The following CTDSPL variants were observed in gnomAD, a reference collection of about 807,000 sequenced individuals.
The protein encoded by CTDSPL is CTD small phosphatase-like protein.
Under a neutral mutation model 30.5 loss-of-function variants are expected in CTDSPL, and 8 were observed. The ratio of observed to expected loss-of-function variants is 0.26; its 90% CI spans 0.15 to 0.47. The LOEUF is 0.47. CTDSPL is among the 20% of genes least tolerant of loss of function. CTDSPL has a pLI of 0.99. For missense variants in CTDSPL, 248 were observed against 366.1 expected, an observed-to-expected ratio of 0.68 and a Z score of 2.63; for synonymous variants, 110 against 137.9, an observed-to-expected ratio of 0.80 and a Z score of 1.42.
intron 1 of CTDSPL, among the ~76,000 whole-genome samples, chr3:37,872,636 G>T (rs1489616263): frequency 7.3e-6 from 1 of 137,400 alleles, no homozygotes; most frequent in Non-Finnish European, 1.5e-5. Flanking sequence ...GTGAAGTGGT[G>T]CAATCTCAGC....
At chr3:37,867,209 C>T (rs1408965803) in intron 1 of CTDSPL, among the ~76,000 whole-genome samples, 2 of 151,884 alleles carry the variant, frequency 1.3e-5, no homozygotes, top group African/African-American at 4.8e-5. Flanking sequence ...TGGAATCAAA[C>T]AGTATGTGAT....
chr3:37,945,583 A>G (rs1699026259), intron 1 of CTDSPL, among the ~76,000 whole-genome samples: 1 of 152,224 alleles, frequency 6.6e-6, no homozygotes, highest in Admixed American at 6.5e-5. Flanking sequence ...GGCGGTCCCA[A>G]TGGCCTGGTC....
chr3:37,900,367 A>G (rs1022904988), intron 1 of CTDSPL, among the ~76,000 whole-genome samples: 1 of 152,240 alleles, frequency 6.6e-6, no homozygotes. Flanking sequence ...AGAACTAGCA[A>G]TTCTTCAAAT....
chr3:37,983,296 T>TATCTA lies in CTDSPL; in HGVS notation c.*2430_*2434dup, dbSNP rs1699514060. The TATCTA allele has an allele frequency of 6.6e-6, 1 of 152,220 alleles. No individual in the cohort carries two copies. Among genetic ancestry groups the TATCTA allele is most frequent in the African/African-American group, 2.4e-5 (1 of 41,432 alleles). The allele number at this position is 152,220 out of a possible 1,614,324, so 9.4% of individuals were successfully genotyped here. On this transcript the variant is annotated 3_prime_UTR_variant, in exon 8 of 8. Transcript: ENST00000273179. ...TACATAATCAAAATATCTATATCTA[T>TATCTA]ATCTATATCTATATCTATATATTTT... is the stretch of plus-strand genomic sequence containing the variant.
chr3:37,925,926 T>C (rs1341531153), intron 1 of CTDSPL, among the ~76,000 whole-genome samples: 1 of 152,198 alleles, frequency 6.6e-6, no homozygotes, highest in Non-Finnish European at 1.5e-5. Flanking sequence ...TGTGACGTAC[T>C]CTATATTTTA....
intron 1 of CTDSPL, among the ~76,000 whole-genome samples, chr3:37,946,560 G>A (rs1448059359): frequency 3.3e-5 from 5 of 152,162 alleles, no homozygotes; most frequent in East Asian, 1.9e-4. Context: ...CTTAACCCAC[G>A]AAGTTAGTCA....
At chr3:37,961,440 G>A (rs1437595288) in intron 3 of CTDSPL, among the ~76,000 whole-genome samples, 1 of 152,150 alleles carries the variant, frequency 6.6e-6, no homozygotes, top group Non-Finnish European at 1.5e-5. Context: ...CTGAGGCTGT[G>A]TCCTGAGTCC....
chr3:37,929,058 T>G lies in CTDSPL; in HGVS notation c.80-17999T>G, dbSNP rs542575663. Among the ~76,000 whole-genome samples the G allele has an allele frequency of 5.3e-5, 8 of 152,342 alleles. No individual in the cohort carries two copies. In the South Asian group the frequency reaches 1.0e-3, roughly 20 times the overall value. ...CTATCCTTTCCCCATTGTGCAGTCTTGGCATCCTTGTCAAAGATCATTTGA... is the reference window on the plus strand; with the variant it reads ...CTATCCTTTCCCCATTGTGCAGTCTGGGCATCCTTGTCAAAGATCATTTGA... On this transcript the variant is annotated intron_variant, in intron 1 of 7. Transcript: ENST00000273179.
intron 1 of CTDSPL, among the ~76,000 whole-genome samples, chr3:37,874,345 T>C (rs998802656): frequency 1.3e-5 from 2 of 151,362 alleles, no homozygotes; most frequent in Admixed American, 6.6e-5. Context: ...ATTGAGGGGG[T>C]ACATAAAAGT....
chr3:37,921,045 G>GGGAGAGAAAGAGGGGAGTCC (rs1243803687), intron 1 of CTDSPL, among the ~76,000 whole-genome samples: 1 of 152,210 alleles, frequency 6.6e-6, no homozygotes, highest in African/African-American at 2.4e-5. Flanking sequence ...TTCATGACAA[G>GGGAGAGAAAGAGGGGAGTCC]GGAGAGAAAG....
chr3:37,920,187 G>T (rs1698697192), intron 1 of CTDSPL, among the ~76,000 whole-genome samples: 1 of 152,146 alleles, frequency 6.6e-6, no homozygotes, highest in African/African-American at 2.4e-5. Flanking sequence ...TGAAGGCAGG[G>T]ATTCACGATC....
chr3:37,917,680 A>G lies in CTDSPL; in HGVS notation c.80-29377A>G, dbSNP rs564022727. Among the ~76,000 whole-genome samples the G allele has an allele frequency of 4.7e-3, 716 of 152,370 alleles. 3 individuals are homozygous for G. The highest frequency in any genetic ancestry group is 0.02 in the Middle Eastern group (6 of 294). On this transcript the variant is annotated intron_variant, in intron 1 of 7. Coordinates refer to ENST00000273179, the MANE Select transcript of CTDSPL (RefSeq NM_001008392.2). ...TTTTATTTAGAACTTTCAGAGGGAT[A>G]TAAAGGAAGCATCAGGCAGCTGCTG...
At chr3:37,892,641 A>G (rs1698341093) in intron 1 of CTDSPL, among the ~76,000 whole-genome samples, 1 of 152,128 alleles carries the variant, frequency 6.6e-6, no homozygotes. Context: ...AAGACCCTTA[A>G]GCTTGAGTCA....
chr3:37,885,610 C>T (rs1051140320), intron 1 of CTDSPL, among the ~76,000 whole-genome samples: 2 of 152,020 alleles, frequency 1.3e-5, no homozygotes, highest in African/African-American at 2.4e-5. Flanking sequence ...AGTCTCTCTT[C>T]GAGGCTGAAG....
intron 7 of CTDSPL, among the ~76,000 whole-genome samples, chr3:37,980,341 G>T (rs532804043): frequency 6.6e-6 from 1 of 152,210 alleles, no homozygotes; most frequent in African/African-American, 2.4e-5. Context: ...TGAGCTCCGC[G>T]CTGTCAGTGG....
chr3:37,906,024 A>G (rs62239976), intron 1 of CTDSPL, among the ~76,000 whole-genome samples: 498 of 152,294 alleles, frequency 3.3e-3, no homozygotes, highest in Non-Finnish European at 6.0e-3. Context: ...GCAGAGGCGC[A>G]GTACCTTTCA....
intron 1 of CTDSPL, among the ~76,000 whole-genome samples, chr3:37,940,315 G>C (rs1698963582): frequency 3.3e-5 from 5 of 150,460 alleles, no homozygotes; most frequent in African/African-American, 1.2e-4. Context: ...TAGCATCAGA[G>C]CTTACATTTT....
chr3:37,922,570 G>A (rs1279759951), intron 1 of CTDSPL, among the ~76,000 whole-genome samples: 3 of 152,222 alleles, frequency 2.0e-5, no homozygotes, highest in Non-Finnish European at 2.9e-5. Context: ...TATTAAAGCA[G>A]CTAGCAGGCT....
chr3:37,897,360 G>C (rs1698400983), intron 1 of CTDSPL, among the ~76,000 whole-genome samples: 1 of 152,134 alleles, frequency 6.6e-6, no homozygotes, highest in African/African-American at 2.4e-5. Context: ...TCGCAGGTAA[G>C]TCTGGATAAT....
Sources: allele counts gnomAD v4.1 joint callset (sites outside exome capture counted in the v4.1 genomes callset), GRCh38; gene constraint gnomAD v4.1.1; transcripts MANE v1.5; gene names NCBI Gene and HGNC (gene_info 2026-07-23, HGNC 2026-07-21).